ANO1: variants seen among roughly 807,000 people sequenced by gnomAD.
The protein encoded by ANO1 is anoctamin 1, also known as anoctamin-1.
ANO1 carries 59 observed loss-of-function variants against 124.0 expected under a neutral mutation model. The observed-to-expected ratio is 0.48, with a 90% CI of 0.39 to 0.59. The LOEUF (loss-of-function observed/expected upper bound fraction) is 0.59, where lower values mean the gene tolerates loss of function less well. ANO1 is among the 20% of genes least tolerant of loss of function. ANO1 has a pLI of 0.00. For synonymous variants in ANO1, 529 were observed against 532.0 expected (o/e 0.99, Z 0.08); for missense variants, 1,059 against 1,328.0 (o/e 0.80, Z 3.15).
intron 1 of ANO1, among the ~76,000 whole-genome samples, chr11:69,987,976 G>A (rs1443360451): frequency 6.6e-6 from 1 of 152,170 alleles, no homozygotes. Flanking sequence ...GTGTGGGGTG[G>A]AATCGTGCCC....
At chr11:70,116,691 G>A in intron 8 of ANO1, 192 bp downstream of exon 8, 1 of 569,374 alleles carries the variant, frequency 1.8e-6, no homozygotes, top group Non-Finnish European at 3.1e-6. Flanking sequence ...TTGTGTGGCT[G>A]GTTTGTTTTC....
At chr11:70,033,001 G>A (rs782333487) in intron 1 of ANO1, among the ~76,000 whole-genome samples, 1 of 152,324 alleles carries the variant, frequency 6.6e-6, no homozygotes, top group African/African-American at 2.4e-5. Flanking sequence ...CGGCGTGCCC[G>A]GTTCCCTTAT....
intron 1 of ANO1, among the ~76,000 whole-genome samples, chr11:70,007,945 C>T (rs782030577): frequency 2.6e-5 from 4 of 152,078 alleles, no homozygotes; most frequent in South Asian, 2.1e-4. Context: ...TTTTTAATAG[C>T]GGCCATCCCA....
intron 1 of ANO1, among the ~76,000 whole-genome samples, chr11:70,008,152 G>A (rs1157407913): frequency 2.6e-5 from 4 of 152,068 alleles, no homozygotes; most frequent in Non-Finnish European, 5.9e-5. Context: ...ATATATATTA[G>A]ATATTAATCC....
chr11:70,050,024 CTG>C (rs1555006138), intron 1 of ANO1, among the ~76,000 whole-genome samples: 3 of 152,154 alleles, frequency 2.0e-5, no homozygotes, highest in South Asian at 2.1e-4. Context: ...CAGCTGCTGT[CTG>C]TGTTTTAAGC....
At chr11:69,986,693 C>T (rs550227437) in intron 1 of ANO1, among the ~76,000 whole-genome samples, 3 of 152,104 alleles carry the variant, frequency 2.0e-5, no homozygotes, top group Non-Finnish European at 4.4e-5. Flanking sequence ...GAGGCCTGGA[C>T]GCTAGGCCGG....
At chr11:70,028,123 G>C (rs1352881713) in intron 1 of ANO1, among the ~76,000 whole-genome samples, 2 of 152,326 alleles carry the variant, frequency 1.3e-5, no homozygotes, top group Admixed American at 6.5e-5. Flanking sequence ...GGTTGCCAAA[G>C]GGAGATGAAT....
At chr11:69,996,158 T>C (rs1856267846) in intron 1 of ANO1, among the ~76,000 whole-genome samples, 1 of 44 alleles carries the variant, frequency 0.023, no homozygotes, top group Non-Finnish European at 0.05. Flanking sequence ...GATTTCTTAA[T>C]AGACTATATA....
At chr11:70,038,020 C>A (rs1591050182) in intron 1 of ANO1, among the ~76,000 whole-genome samples, 1 of 152,156 alleles carries the variant, frequency 6.6e-6, no homozygotes, top group African/African-American at 2.4e-5. Flanking sequence ...GTCGCAGTGG[C>A]TCATGCCTGT....
At chr11:70,040,546 C>T (rs1266587738) in intron 1 of ANO1, among the ~76,000 whole-genome samples, 3 of 152,144 alleles carry the variant, frequency 2.0e-5, no homozygotes, top group Non-Finnish European at 2.9e-5. Flanking sequence ...CATGGTGGCA[C>T]GCACCTGCAA....
chr11:70,154,567 C>G (rs569346511), intron 14 of ANO1, among the ~76,000 whole-genome samples: 1 of 149,086 alleles, frequency 6.7e-6, no homozygotes, highest in South Asian at 2.1e-4. Context: ...CCCAGGTTCA[C>G]GCCATTCTCC....
intron 1 of ANO1, among the ~76,000 whole-genome samples, chr11:70,032,537 G>A (rs12807482): frequency 1.1e-4 from 13 of 123,630 alleles, no homozygotes; most frequent in African/African-American, 3.2e-4. Flanking sequence ...GGCGGGAGAG[G>A]GGGGGGGTCT....
At chr11:70,095,749 C>T (rs1042142405) in intron 2 of ANO1, among the ~76,000 whole-genome samples, 6 of 152,162 alleles carry the variant, frequency 3.9e-5, no homozygotes, top group Non-Finnish European at 7.3e-5. Flanking sequence ...CCCGCAGGAG[C>T]CCCTCACCCC....
At chr11:70,015,224 A>G (rs1856682902) in intron 1 of ANO1, 2 of 152,168 alleles carry the variant, frequency 1.3e-5, no homozygotes, top group Non-Finnish European at 2.9e-5. Context: ...GAAAATCCCC[A>G]AGCCACAGAG....
intron 1 of ANO1, among the ~76,000 whole-genome samples, chr11:70,032,660 G>A (rs1555003935): frequency 6.6e-6 from 1 of 152,156 alleles, no homozygotes; most frequent in Non-Finnish European, 1.5e-5. Context: ...CCCGGACTGT[G>A]GCTTCTGCCC....
rs2047840395 is a variant in ANO1, at chr11:70,156,990, A to G, written c.1547A>G (p.Tyr516Cys). The G allele has an allele frequency of 6.2e-7, 1 of 1,613,516 alleles. No homozygotes were observed. The highest frequency in any genetic ancestry group is 1.3e-5 in the African/African-American group (1 of 74,882). The stretch of plus-strand genomic sequence containing the variant: ...ACATGGAGAGATCGGTTCCCAGCCT[A>G]CCTCACTAACTTGGTCTCCATCATC... ...KLTWRDRFPA[Y>C]LTNLVSIIFM... The change falls in exon 16 of 26, where the codon TAC becomes TGC. Residue 516 changes from tyrosine (Y) to cysteine (C), a missense_variant. Coordinates refer to ENST00000355303, the MANE Select transcript of ANO1 (RefSeq NM_018043.7).
At chr11:70,143,733 C>T (rs1262367198) in intron 11 of ANO1, among the ~76,000 whole-genome samples, 1 of 152,212 alleles carries the variant, frequency 6.6e-6, no homozygotes, top group Non-Finnish European at 1.5e-5. Flanking sequence ...GTGTGTGTCC[C>T]TCCGGCCCAT....
intron 1 of ANO1, among the ~76,000 whole-genome samples, chr11:70,062,927 T>C (rs1857625501): frequency 6.6e-6 from 1 of 151,714 alleles, no homozygotes; most frequent in Non-Finnish European, 1.5e-5. Context: ...TTGTTGTTGT[T>C]TGTTGTTGTT....
chr11:70,130,093 A>G (rs1047107981), intron 10 of ANO1, among the ~76,000 whole-genome samples: 3 of 152,212 alleles, frequency 2.0e-5, no homozygotes, highest in African/African-American at 7.2e-5. Context: ...CAGCATATCC[A>G]GAAAGTCAAA....
Sources: allele counts gnomAD v4.1 joint callset (sites outside exome capture counted in the v4.1 genomes callset), GRCh38; gene constraint gnomAD v4.1.1; transcripts MANE v1.5; gene names NCBI Gene and HGNC (gene_info 2026-07-23, HGNC 2026-07-21).